Variants in QSOX1 observed in about 807,000 individuals in gnomAD.
QSOX1 encodes the protein quiescin sulfhydryl oxidase 1.
QSOX1 carries 40 observed loss-of-function variants against 76.1 expected under a neutral mutation model. The ratio of observed to expected loss-of-function variants is 0.53; its 90% CI spans 0.41 to 0.68. QSOX1 has a LOEUF of 0.68. Among genes scored for constraint, QSOX1 ranks in the 30% least tolerant of loss-of-function variants. The pLI is 0.00. For missense variants in QSOX1, 931 were observed against 974.3 expected (o/e 0.96, Z 0.59); for synonymous variants, 392 against 413.1 (o/e 0.95, Z 0.62).
rs1353103715 is a variant in QSOX1, at chr1:180,201,836, C to T, written c.*4799C>T. 6.6e-6 allele frequency: 1 copy of T among 152,316 alleles called. No individual in the cohort carries two copies. Among genetic ancestry groups the T allele is most frequent in the Non-Finnish European group, 1.5e-5 (1 of 68,086 alleles). The allele number at this position is 152,316 out of a possible 1,614,324, so 9.4% of individuals were successfully genotyped here. A position where few individuals can be genotyped will look rare whatever the true frequency, so the allele number is the denominator to read the frequency against. On this transcript the variant is annotated 3_prime_UTR_variant, in exon 12 of 12. Transcript: ENST00000367602. ...GGGCTGGGCCATGGGACCCCAGTTC[C>T]TGGGGTCTCGGTGACACAGTTCACT...
In QSOX1 at chr1:180,189,622, G is replaced by T; in HGVS notation, c.1088G>T (p.Arg363Ile). The change falls in exon 9 of 12, where the codon AGA becomes ATA. Residue 363 changes from arginine (R) to isoleucine (I), a missense_variant. Transcript: ENST00000367602. ...AATGAATGGCTCAAGAGGCAGAAGA[G>T]AAATAAAATTCCCTACAGTTTCTTT... is the stretch of plus-strand genomic sequence containing the variant. Reference protein sequence around the residue: ...SVNEWLKRQKRNKIPYSFFKT... With the variant: ...SVNEWLKRQKINKIPYSFFKT... 6.2e-7 allele frequency: 1 copy of T among 1,613,556 alleles called. No individual in the cohort carries two copies. The highest frequency in any genetic ancestry group is 8.5e-7 in the Non-Finnish European group (1 of 1,179,638).
At chr1:180,179,005 A>G in intron 5 of QSOX1, 121 bp downstream of exon 5, 1 of 851,684 alleles carries the variant, frequency 1.2e-6, no homozygotes. Flanking sequence ...TTAGCCTGGC[A>G]TTGGCCTGAC....
In QSOX1 at chr1:180,184,061, G is replaced by A. The variant is rs373890656; in HGVS notation, c.887+11G>A. 289 of 1,613,782 alleles carry A rather than the reference G, an allele frequency of 1.8e-4. 2 individuals are homozygous for A. The African/African-American group carries it at 2.6e-3, about 15-fold the overall frequency. ...GAAATTGGCAGATCGGTAAGGCTACGCCTGGTTCTCCTCACTTCTTCTCCT... is the reference window on the plus strand; with the variant it reads ...GAAATTGGCAGATCGGTAAGGCTACACCTGGTTCTCCTCACTTCTTCTCCT... On this transcript the variant is annotated intron_variant, in intron 7 of 11. Transcript: ENST00000367602.
At chr1:180,155,267 C>T (rs932620426) in intron 1 of QSOX1, 95 bp downstream of exon 1, 2 of 1,168,012 alleles carry the variant, frequency 1.7e-6, no homozygotes, top group Non-Finnish European at 2.3e-6. Context: ...GCGCGTCCCT[C>T]TTCCAGTCAC....
chr1:180,157,239 C>T (rs578166446), intron 1 of QSOX1, among the ~76,000 whole-genome samples: 162 of 152,340 alleles, frequency 1.1e-3, no homozygotes, highest in Non-Finnish European at 1.8e-3. Context: ...CTCCTGTGAG[C>T]CATTGGTGTG....
chr1:180,196,796 T>C lies in QSOX1; in HGVS notation c.2003T>C (p.Val668Ala), dbSNP rs1207012845. The change falls in exon 12 of 12, where the codon GTC becomes GCC. Residue 668 changes from valine to alanine, a missense_variant. By Grantham distance (64) the Val-to-Ala change is moderately conservative. Transcript: ENST00000367602. This position sits in a 1 kb window ranked among gnomAD's most constrained non-coding sequence, Gnocchi z 4.1. ...EKNRLWGPLEVRRVGRSSKQL... is the reference protein window; with the variant it reads ...EKNRLWGPLEARRVGRSSKQL... ...AACCGCCTCTGGGGCCCTTTGGAGG[T>C]CAGGCGCGTGGGCCGCAGCTCCAAG... 1 of 1,613,550 alleles carries C rather than the reference T, an allele frequency of 6.2e-7. No homozygotes were observed. The highest frequency in any genetic ancestry group is 1.7e-5 in the Admixed American group (1 of 59,992).
chr1:180,157,022 A>G (rs1240290658), intron 1 of QSOX1, among the ~76,000 whole-genome samples: 2 of 152,162 alleles, frequency 1.3e-5, no homozygotes, highest in Non-Finnish European at 1.5e-5. Context: ...TAGTTTTCCT[A>G]TGAGTTGCAT....
At chr1:180,155,436 C>G (rs1355876570) in intron 1 of QSOX1, among the ~76,000 whole-genome samples, 1 of 152,306 alleles carries the variant, frequency 6.6e-6, no homozygotes, top group East Asian at 1.9e-4. Flanking sequence ...CCTGCTCGCC[C>G]GGTTCGTCCC....
intron 5 of QSOX1, among the ~76,000 whole-genome samples, 194 bp downstream of exon 5, chr1:180,179,078 A>G (rs1460718597): frequency 1.3e-5 from 2 of 152,240 alleles, no homozygotes; most frequent in African/African-American, 4.8e-5. Flanking sequence ...CTTGCTGTTT[A>G]TTCTTATCTC....
At chr1:180,162,657 T>C (rs1466406150) in intron 1 of QSOX1, among the ~76,000 whole-genome samples, 1 of 152,034 alleles carries the variant, frequency 6.6e-6, no homozygotes, top group East Asian at 1.9e-4. Flanking sequence ...GAGAATTACT[T>C]GAGCCCAGGA....
Position 180,198,238 on chromosome 1 carries a change from C to T in QSOX1, c.*1201C>T, listed in dbSNP as rs541604982. 3 of 456,750 alleles carry T rather than the reference C, an allele frequency of 6.6e-6. No individual in the cohort carries two copies. The highest frequency in any genetic ancestry group is 2.0e-5 in the African/African-American group (1 of 50,210). 28.3% of individuals were successfully genotyped at this position (456,750 alleles called of 1,614,324 possible). ...CGGAGACAGGCCTCTGGATGTGCAGCCTTGCCACCCCCTGCCCCAATCCTC... is the reference window on the plus strand; with the variant it reads ...CGGAGACAGGCCTCTGGATGTGCAGTCTTGCCACCCCCTGCCCCAATCCTC... On this transcript the variant is annotated 3_prime_UTR_variant, in exon 12 of 12. Coordinates refer to ENST00000367602, the MANE Select transcript of QSOX1 (RefSeq NM_002826.5).
At chr1:180,181,832 G>A (rs956435217) in intron 5 of QSOX1, among the ~76,000 whole-genome samples, 2 of 152,136 alleles carry the variant, frequency 1.3e-5, no homozygotes, top group African/African-American at 4.8e-5. Flanking sequence ...AAACAAACGA[G>A]AATTAAAATG....
intron 1 of QSOX1, among the ~76,000 whole-genome samples, chr1:180,161,178 A>T (rs1341355539): frequency 6.6e-6 from 1 of 152,172 alleles, no homozygotes; most frequent in African/African-American, 2.4e-5. Context: ...ATAAAATAAA[A>T]TAAATAAAAT....
At position 180,154,999 on chromosome 1, in the gene QSOX1, C is replaced by A; in HGVS notation, c.92C>A (p.Pro31Gln). 1 of 1,510,204 alleles carries A rather than the reference C, an allele frequency of 6.6e-7. No homozygotes were observed. Among genetic ancestry groups the A allele is most frequent in the Admixed American group, 2.0e-5 (1 of 48,814 alleles). The allele number at this position is 1,510,204 out of a possible 1,614,324, so 93.6% of individuals were successfully genotyped here. ...LLAVPGANAAPRSALYSPSDP... is the reference protein window; with the variant it reads ...LLAVPGANAAQRSALYSPSDP... ...GCGGTTCCCGGCGCTAACGCGGCCC[C>A]GCGGTCGGCGCTCTATTCGCCTTCC... Residue 31 changes from proline (P) to glutamine (Q), a missense_variant, in exon 1 of 12, where the codon CCG (proline) becomes CAG (glutamine). By Grantham distance (76) the Pro-to-Gln change is moderately conservative. Transcript: ENST00000367602.
chr1:180,173,027 G>A (rs908435575), intron 2 of QSOX1, among the ~76,000 whole-genome samples: 7 of 152,236 alleles, frequency 4.6e-5, no homozygotes, highest in African/African-American at 1.7e-4. Context: ...CAGTCAAAGT[G>A]TAACCTGTCT....
intron 1 of QSOX1, among the ~76,000 whole-genome samples, chr1:180,162,130 A>G (rs1451993236): frequency 6.6e-6 from 1 of 152,248 alleles, no homozygotes. Context: ...CTAATAACCA[A>G]AATTAAGGCT....
At chr1:180,172,710 G>A (rs564497127) in intron 2 of QSOX1, among the ~76,000 whole-genome samples, 17 of 152,170 alleles carry the variant, frequency 1.1e-4, no homozygotes, top group African/African-American at 3.9e-4. Context: ...GTAGAGACGG[G>A]GTTTTACCCT....
intron 2 of QSOX1, among the ~76,000 whole-genome samples, chr1:180,168,529 T>G (rs1662686833): frequency 6.6e-6 from 1 of 152,244 alleles, no homozygotes; most frequent in African/African-American, 2.4e-5. Flanking sequence ...CTCAAATAGT[T>G]TCTTACTGTG....
chr1:180,184,135 ATTC>A (rs1273916583), intron 7 of QSOX1, 85 bp downstream of exon 7: 7 of 1,492,080 alleles, frequency 4.7e-6, no homozygotes, highest in African/African-American at 2.8e-5. Context: ...CCTCTTGCTC[ATTC>A]TTCTTCCTTG....
Sources: gnomAD v4.1 joint callset for allele counts (sites outside exome capture counted in the v4.1 genomes callset) on GRCh38, gnomAD v4.1.1 for gene constraint, Gnocchi (gnomAD v3.1) non-coding constraint, MANE v1.5 for transcripts, NCBI Gene and HGNC (gene_info 2026-07-23, HGNC 2026-07-21) for gene names.